The following PXDNL variants were observed in gnomAD, a reference collection of about 807,000 sequenced individuals.
PXDNL encodes probable oxidoreductase PXDNL.
A neutral mutation model predicts 150.8 loss-of-function variants in PXDNL; 145 were observed. That is an observed-to-expected ratio of 0.96 (90% CI 0.84 to 1.10). PXDNL has a LOEUF of 1.10. Among genes scored for constraint, PXDNL ranks in the 50% least tolerant of loss-of-function variants. The pLI, the probability that PXDNL is intolerant of heterozygous loss-of-function variation, is 0.00. For missense variants in PXDNL, 2,087 were observed against 1,873.9 expected (o/e 1.11, Z -2.10); for synonymous variants, 757 against 725.7 (o/e 1.04, Z -0.69).
At chr8:51,696,730 C>G (rs947433545) in intron 1 of PXDNL, among the ~76,000 whole-genome samples, 1 of 151,928 alleles carries the variant, frequency 6.6e-6, no homozygotes, top group Non-Finnish European at 1.5e-5. Flanking sequence ...CACATCCACA[C>G]ACAGGTCCAC....
chr8:51,638,067 A>G (rs997040377), intron 2 of PXDNL, among the ~76,000 whole-genome samples: 1 of 152,204 alleles, frequency 6.6e-6, no homozygotes, highest in Non-Finnish European at 1.5e-5. Context: ...AAAGAAAAGA[A>G]TTTTCAACCC....
At chr8:51,698,188 A>G (rs1160391894) in intron 1 of PXDNL, among the ~76,000 whole-genome samples, 1 of 152,192 alleles carries the variant, frequency 6.6e-6, no homozygotes, top group Non-Finnish European at 1.5e-5. Context: ...TGGTGCATTG[A>G]TTGACTCTTT....
At chr8:51,365,337 G>T (rs1806881092) in intron 19 of PXDNL, among the ~76,000 whole-genome samples, 1 of 152,220 alleles carries the variant, frequency 6.6e-6, no homozygotes, top group South Asian at 2.1e-4. Flanking sequence ...CTGTGTAGTT[G>T]TTGGCACTTC....
chr8:51,460,845 C>A (rs1810060476), intron 8 of PXDNL, among the ~76,000 whole-genome samples: 1 of 152,254 alleles, frequency 6.6e-6, no homozygotes, highest in South Asian at 2.1e-4. Context: ...AAAATGTGAC[C>A]ATAGGTGCCC....
At chr8:51,377,735 G>A (rs1807377014) in intron 17 of PXDNL, among the ~76,000 whole-genome samples, 2 of 152,200 alleles carry the variant, frequency 1.3e-5, no homozygotes, top group Non-Finnish European at 2.9e-5. Flanking sequence ...ATTCTCGTGG[G>A]GCCTCAGCTG....
At chr8:51,776,187 T>C (rs1219342211) in intron 1 of PXDNL, among the ~76,000 whole-genome samples, 2 of 152,172 alleles carry the variant, frequency 1.3e-5, no homozygotes, top group Non-Finnish European at 2.9e-5. Flanking sequence ...TGCCCAAAAC[T>C]TCATTAGCAA....
At chr8:51,731,690 C>T (rs1816935913) in intron 1 of PXDNL, among the ~76,000 whole-genome samples, 1 of 152,228 alleles carries the variant, frequency 6.6e-6, no homozygotes, top group Non-Finnish European at 1.5e-5. Flanking sequence ...TTCATACATC[C>T]TCTGAAATCT....
At chr8:51,591,398 G>C (rs1813439653) in intron 3 of PXDNL, among the ~76,000 whole-genome samples, 1 of 152,130 alleles carries the variant, frequency 6.6e-6, no homozygotes, top group Admixed American at 6.5e-5. Context: ...AGACCTCTAT[G>C]TTAGGCTGAG....
intron 1 of PXDNL, among the ~76,000 whole-genome samples, chr8:51,662,874 G>A (rs781483104): frequency 4.6e-5 from 7 of 152,158 alleles, no homozygotes; most frequent in Non-Finnish European, 1.0e-4. Context: ...TAAAAACTAA[G>A]GGGTGCACAT....
intron 4 of PXDNL, among the ~76,000 whole-genome samples, chr8:51,506,485 G>A (rs1259230868): frequency 1.5e-5 from 2 of 132,134 alleles, no homozygotes; most frequent in African/African-American, 5.6e-5. Flanking sequence ...AGGTTGCAGT[G>A]AGCCGAGATC....
At chr8:51,587,685 CAT>C (rs1224503819) in intron 3 of PXDNL, among the ~76,000 whole-genome samples, 1 of 152,166 alleles carries the variant, frequency 6.6e-6, no homozygotes, top group Admixed American at 6.5e-5. Context: ...GATAAATACA[CAT>C]GTTGTTGAAA....
intron 1 of PXDNL, among the ~76,000 whole-genome samples, chr8:51,718,526 G>A (rs932847657): frequency 1.3e-5 from 2 of 152,196 alleles, no homozygotes; most frequent in African/African-American, 4.8e-5. Context: ...TACCAACCGT[G>A]GCTCGAACTT....
In PXDNL at chr8:51,740,566, A is replaced by G. The variant is rs1434885135; in HGVS notation, c.164+68615T>C. ...GTATCTCATTGCGGTTTAGATTTGCATTTCTCTAATGATCAGTGATTTGCT... is the reference window on the plus strand; with the variant it reads ...GTATCTCATTGCGGTTTAGATTTGCGTTTCTCTAATGATCAGTGATTTGCT... On this transcript the variant is annotated intron_variant, in intron 1 of 22. Coordinates refer to ENST00000356297, the MANE Select transcript of PXDNL (RefSeq NM_144651.5). 3.3e-5 allele frequency among the ~76,000 whole-genome samples: 5 copies of G among 152,146 alleles called. No homozygotes were observed. In the East Asian group the frequency reaches 7.7e-4, roughly 24 times the overall value.
At chr8:51,748,613 GAAGCA>G (rs777752372) in intron 1 of PXDNL, among the ~76,000 whole-genome samples, 10 of 152,188 alleles carry the variant, frequency 6.6e-5, no homozygotes, top group Non-Finnish European at 1.3e-4. Flanking sequence ...GCATGGGGGT[GAAGCA>G]GGAGTTATTT....
At chr8:51,471,799 G>A (rs1280754149) in intron 8 of PXDNL, among the ~76,000 whole-genome samples, 1 of 151,290 alleles carries the variant, frequency 6.6e-6, no homozygotes, top group Non-Finnish European at 1.5e-5. Flanking sequence ...CCATTCTCCT[G>A]CCTCAGCCTC....
chr8:51,576,221 A>T (rs868143587), intron 3 of PXDNL, among the ~76,000 whole-genome samples: 3 of 151,562 alleles, frequency 2.0e-5, no homozygotes, highest in Middle Eastern at 6.8e-3. Context: ...AAAACAAACA[A>T]AAAAACTCAA....
At chr8:51,620,544 T>C (rs1330968229) in intron 2 of PXDNL, among the ~76,000 whole-genome samples, 1 of 150,934 alleles carries the variant, frequency 6.6e-6, no homozygotes, top group Non-Finnish European at 1.5e-5. Context: ...TACAACTCAA[T>C]CACTTTTTTT....
chr8:51,506,295 C>T (rs184910736), intron 4 of PXDNL, among the ~76,000 whole-genome samples: 1 of 152,262 alleles, frequency 6.6e-6, no homozygotes, highest in East Asian at 1.9e-4. Context: ...ATAATCCCAG[C>T]ACTTTGGGAG....
chr8:51,601,379 T>A lies in PXDNL; in HGVS notation c.237-8681A>T, dbSNP rs189651471. ...TAAGTCATTGCAGATCCAGAAATAC[T>A]TTTTTTATAAGTCTGGGTGCTCCAT... On this transcript the variant is annotated intron_variant, in intron 2 of 22. Coordinates refer to ENST00000356297, the MANE Select transcript of PXDNL (RefSeq NM_144651.5). Among the ~76,000 whole-genome samples the A allele has an allele frequency of 1.7e-3, 263 of 152,148 alleles. 2 individuals are homozygous for A. The highest frequency in any genetic ancestry group is 5.8e-3 in the African/African-American group (242 of 41,544).
Sources: allele counts gnomAD v4.1 joint callset (sites outside exome capture counted in the v4.1 genomes callset), GRCh38; gene constraint gnomAD v4.1.1; transcripts MANE v1.5; gene names NCBI Gene and HGNC (gene_info 2026-07-23, HGNC 2026-07-21).